SLC40A1: variants seen among roughly 807,000 people sequenced by gnomAD.
SLC40A1 encodes the protein solute carrier family 40 member 1, also known as ferroportin.
SLC40A1 carries 16 observed loss-of-function variants against 53.5 expected under a neutral mutation model. That is an observed-to-expected ratio of 0.30 (90% CI 0.20 to 0.45). The LOEUF is 0.45. SLC40A1 is among the 20% of genes least tolerant of loss of function. SLC40A1 has a pLI of 1.00. For missense variants in SLC40A1, 545 were observed against 695.4 expected (o/e 0.78, Z 2.43); for synonymous variants, 247 against 253.2 (o/e 0.98, Z 0.23).
intron 5 of SLC40A1, among the ~76,000 whole-genome samples, chr2:189,571,204 G>C (rs2031114063): frequency 6.6e-6 from 1 of 152,028 alleles, no homozygotes; most frequent in Non-Finnish European, 1.5e-5. Flanking sequence ...TTTGGTATTT[G>C]TAACAGCAAT....
rs1198028891 is a variant in SLC40A1, at chr2:189,575,171, A to G, written c.261T>C (p.Ala87=). Residue 87 remains alanine (A), a synonymous_variant, in exon 3 of 8, where the codon GCT becomes GCC. Transcript: ENST00000261024. ...AIIGDWVDKN[A]RLKVAQTSLV... is the part of the protein sequence containing the mutation. ...TATAACAACACTCACCTTTAAGTCT[A>G]GCATTCTTGTCCACCCAGTCACCGA... 1 of 1,614,084 alleles carries G rather than the reference A, an allele frequency of 6.2e-7. No homozygotes were observed. The highest frequency in any genetic ancestry group is 8.5e-7 in the Non-Finnish European group (1 of 1,179,944).
intron 4 of SLC40A1, chr2:189,572,599 A>C (rs969247945): frequency 1.8e-6 from 1 of 564,542 alleles, no homozygotes; most frequent in Non-Finnish European, 3.2e-6. Context: ...ACTGAATTCT[A>C]TAGTAAACTC....
Position 189,563,936 on chromosome 2 carries a change from A to T in SLC40A1, c.1050T>A (p.Ala350=). 1 of 1,614,190 alleles carries T rather than the reference A, an allele frequency of 6.2e-7. No homozygotes were observed. The highest frequency in any genetic ancestry group is 8.5e-7 in the Non-Finnish European group (1 of 1,180,022). The change falls in exon 7 of 8, where the codon GCT becomes GCA. Residue 350 remains alanine (A), a synonymous_variant. Transcript: ENST00000261024. ...CTACAGTTCCCATTATTCCAGTTAT[A>T]GCTGATGCTCCCATCAAAATACTGA... The part of the protein sequence containing the change: ...SILSILMGAS[A]ITGIMGTVAF...
At chr2:189,575,415 G>A (rs905584903) in intron 2 of SLC40A1, 95 bp from the exon 3 acceptor site, 33 of 1,189,774 alleles carry the variant, frequency 2.8e-5, no homozygotes, top group African/African-American at 4.5e-5. Flanking sequence ...GGCACTTCCT[G>A]GCTACATTAT....
chr2:189,572,847 A>T lies in SLC40A1; in HGVS notation c.386T>A (p.Leu129His), dbSNP rs2031173886. Reference protein sequence around the residue: ...ELLTMYHGWVLTSCYILIITI... With the variant: ...ELLTMYHGWVHTSCYILIITI... ...TCAAGAATCTCATTGAGAACTTACG[A>T]GAACCCATCCATGGTACATGGTCAG... Residue 129 changes from leucine to histidine, a missense_variant and splice_region_variant, in exon 4 of 8, where the codon CTC (leucine) becomes CAC (histidine). Physicochemically the swap from Leu to His is moderately conservative, Grantham distance 99 (BLOSUM62 -3). Transcript: ENST00000261024. 1 of 1,602,358 alleles carries T rather than the reference A, an allele frequency of 6.2e-7. No individual in the cohort carries two copies. The highest frequency in any genetic ancestry group is 8.6e-7 in the Non-Finnish European group (1 of 1,169,506).
At chr2:189,579,061 T>C (rs1455807210) in intron 2 of SLC40A1, among the ~76,000 whole-genome samples, 3 of 152,250 alleles carry the variant, frequency 2.0e-5, no homozygotes, top group African/African-American at 7.2e-5. Flanking sequence ...TTAAAGATTC[T>C]AATCATCACT....
chr2:189,561,781 G>T lies in SLC40A1; in HGVS notation c.*97C>A. The T allele has an allele frequency of 9.2e-7, 1 of 1,087,926 alleles. No homozygotes were observed. 67.4% of individuals were successfully genotyped at this position (1,087,926 alleles called of 1,614,324 possible). On this transcript the variant is annotated 3_prime_UTR_variant, in exon 8 of 8. Coordinates refer to ENST00000261024, the MANE Select transcript of SLC40A1 (RefSeq NM_014585.6). ...TCAAGGCACAGCTGTGGTAAAAACA[G>T]AGCAAAACACCCAGCCATTTATTGG...
intron 6 of SLC40A1, 131 bp downstream of exon 6, chr2:189,565,223 G>T: frequency 8.7e-7 from 1 of 1,154,704 alleles, no homozygotes; most frequent in Non-Finnish European, 1.3e-6. Flanking sequence ...GTCTACCAAA[G>T]CGATATATTT....
intron 3 of SLC40A1, among the ~76,000 whole-genome samples, 173 bp downstream of exon 3, chr2:189,574,988 G>A (rs1487555577): frequency 2.0e-5 from 3 of 152,176 alleles, no homozygotes; most frequent in Non-Finnish European, 2.9e-5. Context: ...CTTTGTGTGG[G>A]AGCCATGGGA....
At position 189,562,052 on chromosome 2, in the gene SLC40A1, A is replaced by C; in HGVS notation, c.1542T>G (p.Ala514=). 1 of 1,614,142 alleles carries C rather than the reference A, an allele frequency of 6.2e-7. No homozygotes were observed. Residue 514 remains alanine (A), a synonymous_variant, in exon 8 of 8, where the codon GCT becomes GCG. Coordinates refer to ENST00000261024, the MANE Select transcript of SLC40A1 (RefSeq NM_014585.6). Reference sequence around the variant, plus strand: ...GCAAGCCAAAAGCTTCAGGATTTGGAGCCAGGATGACCATGATGAAATGCA... The same window carrying C: ...GCAAGCCAAAAGCTTCAGGATTTGGCGCCAGGATGACCATGATGAAATGCA... ...DLLHFIMVIL[A]PNPEAFGLLV... is the part of the protein sequence containing the mutation.
chr2:189,566,033 T>C (rs1350768476), intron 5 of SLC40A1, among the ~76,000 whole-genome samples: 1 of 152,086 alleles, frequency 6.6e-6, no homozygotes, highest in Non-Finnish European at 1.5e-5. Context: ...TATGTGTGTG[T>C]GTGTGTGCGT....
rs1217468338 is a variant in SLC40A1 at position 189,574,433 on chromosome 2, C to A, written c.271+728G>T. On this transcript the variant is annotated intron_variant, in intron 3 of 7. Coordinates refer to ENST00000261024, the MANE Select transcript of SLC40A1 (RefSeq NM_014585.6). Reference sequence around the variant, plus strand: ...TGTGTCCAGAAGCAGTCATCTCGCACTGAAAGAATGAAACCTCAGTCTTTT... The same window carrying A: ...TGTGTCCAGAAGCAGTCATCTCGCAATGAAAGAATGAAACCTCAGTCTTTT... 4.6e-5 allele frequency among the ~76,000 whole-genome samples: 7 copies of A among 152,278 alleles called. No homozygotes were observed. The East Asian group carries it at 1.4e-3, about 29-fold the overall frequency.
intron 4 of SLC40A1, among the ~76,000 whole-genome samples, chr2:189,572,237 G>A (rs969132889): frequency 2.6e-5 from 4 of 152,116 alleles, no homozygotes; most frequent in Non-Finnish European, 5.9e-5. Flanking sequence ...ATGACAATGG[G>A]CAATCAACTA....
At chr2:189,573,377 T>C (rs971421045) in intron 3 of SLC40A1, among the ~76,000 whole-genome samples, 2 of 152,248 alleles carry the variant, frequency 1.3e-5, no homozygotes, top group Non-Finnish European at 2.9e-5. Context: ...ACCTCCTACA[T>C]GGCAGGCTGA....
chr2:189,578,766 T>C (rs1383981286), intron 2 of SLC40A1, among the ~76,000 whole-genome samples: 4 of 152,218 alleles, frequency 2.6e-5, no homozygotes, highest in African/African-American at 9.6e-5. Context: ...TGTAAGCCTC[T>C]GGTAAGATAG....
intron 5 of SLC40A1, among the ~76,000 whole-genome samples, chr2:189,570,278 C>T (rs573775204): frequency 2.6e-5 from 4 of 152,100 alleles, no homozygotes; most frequent in African/African-American, 9.6e-5. Flanking sequence ...CTGCACAAAT[C>T]ACAGAATAAT....
At position 189,561,831 on chromosome 2, in the gene SLC40A1, A is replaced by G. The variant is rs1233543904; in HGVS notation, c.*47T>C. On this transcript the variant is annotated 3_prime_UTR_variant, in exon 8 of 8. Coordinates refer to ENST00000261024, the MANE Select transcript of SLC40A1 (RefSeq NM_014585.6). ...GAATTCTGCAGTACAAAATAAGCACATGTGCTCTATATAATCTAGTAACAG... is the reference window on the plus strand; with the variant it reads ...GAATTCTGCAGTACAAAATAAGCACGTGTGCTCTATATAATCTAGTAACAG... The G allele has an allele frequency of 1.3e-6, 2 of 1,491,330 alleles. No homozygotes were observed. Among genetic ancestry groups the G allele is most frequent in the African/African-American group, 1.4e-5 (1 of 72,570 alleles). 92.4% of individuals were successfully genotyped at this position (1,491,330 alleles called of 1,614,324 possible).
intron 5 of SLC40A1, among the ~76,000 whole-genome samples, chr2:189,569,751 ACATCT>A (rs1442004027): frequency 1.3e-5 from 2 of 152,188 alleles, no homozygotes; most frequent in Non-Finnish European, 2.9e-5. Context: ...AGTTCAACAA[ACATCT>A]CACTTCCTTT....
chr2:189,566,024 A>ATGTGTGTGTGTG (rs149895089), intron 5 of SLC40A1, among the ~76,000 whole-genome samples: 1 of 151,216 alleles, frequency 6.6e-6, no homozygotes, highest in South Asian at 2.1e-4. Flanking sequence ...CAACAAGCAT[A>ATGTGTGTGTGTG]TGTGTGTGTG....
Sources: gnomAD v4.1 joint callset for allele counts (sites outside exome capture counted in the v4.1 genomes callset) on GRCh38, gnomAD v4.1.1 for gene constraint, MANE v1.5 for transcripts, NCBI Gene and HGNC (gene_info 2026-07-23, HGNC 2026-07-21) for gene names.